Variants in NECTIN3 observed in about 807,000 individuals in gnomAD.
NECTIN3 encodes the protein nectin-3.
Under a neutral mutation model 49.4 loss-of-function variants are expected in NECTIN3, and 8 were observed. The observed-to-expected ratio is 0.16, with a 90% CI of 0.10 to 0.29. NECTIN3 has a LOEUF of 0.29. NECTIN3 is among the 10% of genes least tolerant of loss of function. The pLI is 1.00. For missense variants in NECTIN3, 581 were observed against 654.6 expected (o/e 0.89, Z 1.23); for synonymous variants, 277 against 241.1 (o/e 1.15, Z -1.38).
At position 111,135,473 on chromosome 3, in the gene NECTIN3, G is replaced by T. The variant is rs1023875498; in HGVS notation, c.*1258G>T. The T allele has an allele frequency of 3.1e-6, 3 of 956,484 alleles. No individual in the cohort carries two copies. Among genetic ancestry groups the T allele is most frequent in the Admixed American group, 1.2e-4 (2 of 16,112 alleles). The allele number at this position is 956,484 out of a possible 1,614,324, so 59.2% of individuals were successfully genotyped here. ...AAGAAATGTTACCTAAACTTCAAATGTGCTTTTTGTTTGTGAGGTAATTAA... is the reference window on the plus strand; with the variant it reads ...AAGAAATGTTACCTAAACTTCAAATTTGCTTTTTGTTTGTGAGGTAATTAA... On this transcript the variant is annotated 3_prime_UTR_variant, in exon 6 of 6. Coordinates refer to ENST00000485303, the MANE Select transcript of NECTIN3 (RefSeq NM_015480.3).
At chr3:111,122,683 AAGT>A (rs1262571003) in intron 4 of NECTIN3, among the ~76,000 whole-genome samples, 1 of 152,140 alleles carries the variant, frequency 6.6e-6, no homozygotes, top group African/African-American at 2.4e-5. Context: ...ACTAAGAGCT[AAGT>A]AGTAGTATAC....
intron 1 of NECTIN3, among the ~76,000 whole-genome samples, chr3:111,073,834 T>A (rs1025002156): frequency 3.3e-5 from 5 of 152,380 alleles, no homozygotes; most frequent in East Asian, 1.9e-4. Flanking sequence ...ATTTACATGA[T>A]AATTTCTTAG....
intron 1 of NECTIN3, among the ~76,000 whole-genome samples, chr3:111,109,978 A>G (rs1186385108): frequency 1.3e-5 from 2 of 152,042 alleles, no homozygotes; most frequent in East Asian, 3.8e-4. Context: ...ATTAATGTTT[A>G]CAAATTAAAC....
chr3:111,166,938 T>C (rs1305580962), intron 7 of NECTIN3, among the ~76,000 whole-genome samples: 1 of 152,230 alleles, frequency 6.6e-6, no homozygotes, highest in African/African-American at 2.4e-5. Context: ...GGTAGGTAGA[T>C]AGATTTGAAC....
chr3:111,118,524 AC>A (rs2033806107), intron 2 of NECTIN3, 131 bp from the exon 3 acceptor site: 11 of 774,402 alleles, frequency 1.4e-5, no homozygotes, highest in Middle Eastern at 3.3e-4. Flanking sequence ...CGATGGCATT[AC>A]CTAAAAAGTG....
In NECTIN3 at chr3:111,118,722, C is replaced by T. The variant is rs1396692549; in HGVS notation, c.569C>T (p.Ala190Val). 3.1e-6 allele frequency: 5 copies of T among 1,613,880 alleles called. No homozygotes were observed. The African/African-American group carries it at 6.7e-5, about 22-fold the overall frequency. Reference protein sequence around the residue: ...SLIDGGNETVAAICIAATGKP... With the variant: ...SLIDGGNETVVAICIAATGKP... Reference sequence around the variant, plus strand: ...ATTGATGGAGGAAATGAAACAGTAGCAGCCATTTGCATCGCAGCCACTGGA... The same window carrying T: ...ATTGATGGAGGAAATGAAACAGTAGTAGCCATTTGCATCGCAGCCACTGGA... The change falls in exon 3 of 6, where the codon GCA (alanine) becomes GTA (valine). Residue 190 changes from alanine (A) to valine (V), a missense_variant. By Grantham distance (64) the Ala-to-Val change is moderately conservative (BLOSUM62 0). Transcript: ENST00000485303.
intron 1 of NECTIN3, among the ~76,000 whole-genome samples, chr3:111,085,700 A>AT (rs139730502): frequency 0.014 from 1,959 of 142,576 alleles, 25 homozygotes; most frequent in African/African-American, 0.03. Flanking sequence ...ATGTAGCAGT[A>AT]TTTTTTTTTT....
intron 2 of NECTIN3, among the ~76,000 whole-genome samples, chr3:111,117,855 A>G (rs1157000100): frequency 6.6e-6 from 1 of 152,134 alleles, no homozygotes; most frequent in Non-Finnish European, 1.5e-5. Flanking sequence ...GGGGCAGAGT[A>G]GATTGAGAGG....
chr3:111,131,085 C>T (rs780372585), intron 5 of NECTIN3, among the ~76,000 whole-genome samples: 3 of 151,818 alleles, frequency 2.0e-5, no homozygotes, highest in Non-Finnish European at 4.4e-5. Flanking sequence ...ATTTAAACAC[C>T]TATATGAAGT....
At chr3:111,116,870 G>GGTGA (rs1451157295) in intron 2 of NECTIN3, among the ~76,000 whole-genome samples, 6 of 152,010 alleles carry the variant, frequency 3.9e-5, no homozygotes, top group African/African-American at 7.2e-5. Flanking sequence ...AATATCAGCT[G>GGTGA]GTGAGTATAT....
At chr3:111,145,037 T>C in exon 6 of NECTIN3, 1 of 1,536,096 alleles carries the variant, frequency 6.5e-7, no homozygotes, top group Non-Finnish European at 8.7e-7. Context: ...CTTGACAAAG[T>C]GTAGGTAACT....
intron 3 of NECTIN3, among the ~76,000 whole-genome samples, chr3:111,119,622 A>G (rs1374212554): frequency 6.6e-6 from 1 of 152,176 alleles, no homozygotes; most frequent in East Asian, 1.9e-4. Flanking sequence ...GAGCCACTGC[A>G]TGTGGCCTTA....
rs914040523 is a variant in NECTIN3 at position 111,136,974 on chromosome 3, A to G, written c.*2759A>G. ...TAGTAGGGTTCTATTTGCTAACTCT[A>G]ATATTGAGGAAACTATTAAGGTTTT... is the stretch of plus-strand genomic sequence containing the variant. On this transcript the variant is annotated 3_prime_UTR_variant, in exon 6 of 6. Transcript: ENST00000485303. 1.4e-5 allele frequency: 14 copies of G among 977,146 alleles called. No homozygotes were observed. In the Admixed American group the frequency reaches 3.1e-4, roughly 22 times the overall value. 60.5% of individuals were successfully genotyped at this position (977,146 alleles called of 1,614,324 possible). A position where few individuals can be genotyped will look rare whatever the true frequency, so the allele number is the denominator to read the frequency against.
intron 7 of NECTIN3, among the ~76,000 whole-genome samples, chr3:111,164,549 T>G (rs2035280359): frequency 6.6e-6 from 1 of 152,170 alleles, no homozygotes; most frequent in Non-Finnish European, 1.5e-5. Flanking sequence ...GTCTCACAAT[T>G]CTGGAGGCAG....
In NECTIN3 at chr3:111,071,939, C is replaced by A; in HGVS notation, c.-79C>A. ...GACGCGCGCGCCGGACCTTCCACAG[C>A]CTCCGCCCAGAGCCTGAGGCGCCGG... On this transcript the variant is annotated 5_prime_UTR_variant, in exon 1 of 6. Coordinates refer to ENST00000485303, the MANE Select transcript of NECTIN3 (RefSeq NM_015480.3). 1.8e-6 allele frequency: 2 copies of A among 1,086,418 alleles called. No homozygotes were observed. Among genetic ancestry groups the A allele is most frequent in the East Asian group, 3.2e-5 (1 of 30,970 alleles). The allele number at this position is 1,086,418 out of a possible 1,614,324, so 67.3% of individuals were successfully genotyped here. A position where few individuals can be genotyped will look rare whatever the true frequency, so the allele number is the denominator to read the frequency against.
chr3:111,122,420 A>G (rs1240392174), intron 4 of NECTIN3, among the ~76,000 whole-genome samples, 182 bp downstream of exon 4: 1 of 152,000 alleles, frequency 6.6e-6, no homozygotes, highest in Non-Finnish European at 1.5e-5. Context: ...TCTGATCTTT[A>G]GAGGCTACTT....
rs149492640 is a variant in NECTIN3 at position 111,112,280 on chromosome 3, C to T, written c.411C>T (p.Asn137=). 1.2e-5 allele frequency: 19 copies of T among 1,613,630 alleles called. No homozygotes were observed. In the African/African-American group the frequency reaches 2.4e-4, roughly 20 times the overall value. ...SLNDATITLH[N]IGFSDSGKYI... is the part of the protein sequence containing the mutation. Reference sequence around the variant, plus strand: ...ATGATGCAACAATTACTCTGCATAACATAGGATTCTCTGATTCTGGAAAAT... The same window carrying T: ...ATGATGCAACAATTACTCTGCATAATATAGGATTCTCTGATTCTGGAAAAT... The change falls in exon 2 of 6, where the codon AAC becomes AAT. Residue 137 remains asparagine, a synonymous_variant. Transcript: ENST00000485303.
chr3:111,113,008 G>A lies in NECTIN3; in HGVS notation c.502+637G>A, dbSNP rs1349236862. Among the ~76,000 whole-genome samples, 4 of 152,180 alleles carry A rather than the reference G, an allele frequency of 2.6e-5. No homozygotes were observed. In the South Asian group the frequency reaches 6.2e-4, roughly 24 times the overall value. ...AAATGATAGAAATGAAGATTGAGGA[G>A]CAATAGCAACTGGTGGCTGCTCACA... On this transcript the variant is annotated intron_variant, in intron 2 of 5. Transcript: ENST00000485303.
chr3:111,104,626 T>C (rs963725254), intron 1 of NECTIN3, among the ~76,000 whole-genome samples: 1 of 152,168 alleles, frequency 6.6e-6, no homozygotes, highest in African/African-American at 2.4e-5. Context: ...CGACCTCTTT[T>C]GCTCATGTTT....
Sources: gnomAD v4.1 joint callset for allele counts (sites outside exome capture counted in the v4.1 genomes callset) on GRCh38, gnomAD v4.1.1 for gene constraint, MANE v1.5 for transcripts, NCBI Gene and HGNC (gene_info 2026-07-23, HGNC 2026-07-21) for gene names.